The following MINDY4 variants were observed in gnomAD, a reference collection of about 807,000 sequenced individuals.
MINDY4 encodes MINDY lysine 48 deubiquitinase 4, also known as probable ubiquitin carboxyl-terminal hydrolase MINDY-4.
Under a neutral mutation model 87.0 loss-of-function variants are expected in MINDY4, and 68 were observed. The ratio of observed to expected loss-of-function variants is 0.78; its 90% CI spans 0.64 to 0.96. MINDY4 has a LOEUF of 0.96. Ranked by LOEUF, MINDY4 falls within the 40% of genes least tolerant of loss-of-function variation. The probability of loss-of-function intolerance (pLI) is 0.00; values close to 1 mark genes in which losing one functional copy is unlikely to be tolerated. For missense variants in MINDY4, 919 were observed against 928.2 expected (o/e 0.99, Z 0.13); for synonymous variants, 379 against 363.2 (o/e 1.04, Z -0.50).
Position 30,882,298 on chromosome 7 carries a change from C to G in MINDY4, c.2089C>G (p.Leu697Val), listed in dbSNP as rs1174207199. 1 of 1,613,818 alleles carries G rather than the reference C, an allele frequency of 6.2e-7. No individual in the cohort carries two copies. The highest frequency in any genetic ancestry group is 8.5e-7 in the Non-Finnish European group (1 of 1,179,874). ...GLLRDWRTERLFDLYYYDGLA... is the reference protein window; with the variant it reads ...GLLRDWRTERVFDLYYYDGLA... ...CCTGCGTGACTGGAGGACTGAGAGG[C>G]TCTTTGACTTGTACTACTACGATGG... The change falls in exon 16 of 18, where the codon CTC becomes GTC. Residue 697 changes from leucine (L) to valine (V), a missense_variant. Physicochemically the swap from Leu to Val is conservative, Grantham distance 32. Transcript: ENST00000265299.
At chr7:30,880,084 T>C (rs1198289007) in intron 15 of MINDY4, among the ~76,000 whole-genome samples, 1 of 152,214 alleles carries the variant, frequency 6.6e-6, no homozygotes, top group South Asian at 2.1e-4. Flanking sequence ...TCTAGCACTA[T>C]GTCCCCATTG....
intron 6 of MINDY4, among the ~76,000 whole-genome samples, chr7:30,835,339 T>A (rs1383697435): frequency 6.6e-6 from 1 of 152,204 alleles, no homozygotes; most frequent in Non-Finnish European, 1.5e-5. Flanking sequence ...TGAGACTTAT[T>A]CACTATCATG....
chr7:30,820,120 C>G (rs1033658549), intron 5 of MINDY4, among the ~76,000 whole-genome samples: 13 of 151,524 alleles, frequency 8.6e-5, no homozygotes, highest in African/African-American at 2.7e-4. Context: ...CCGGGATGGT[C>G]TTGATCTCCT....
chr7:30,855,360 G>A (rs1789537502), intron 12 of MINDY4, among the ~76,000 whole-genome samples: 1 of 152,236 alleles, frequency 6.6e-6, no homozygotes, highest in Admixed American at 6.5e-5. Flanking sequence ...CTGTTGATCC[G>A]GAGTGTTGTG....
chr7:30,813,352 G>C (rs1022000440), intron 5 of MINDY4, among the ~76,000 whole-genome samples: 2 of 152,210 alleles, frequency 1.3e-5, no homozygotes, highest in Non-Finnish European at 2.9e-5. Flanking sequence ...CAATCCCCAG[G>C]TCCTGAATTC....
intron 13 of MINDY4, 117 bp from the exon 14 acceptor site, chr7:30,872,126 C>G: frequency 1.0e-6 from 1 of 961,464 alleles, no homozygotes. Context: ...CAGGTTCCCA[C>G]CAAATCTGGA....
intron 13 of MINDY4, among the ~76,000 whole-genome samples, chr7:30,868,714 A>G (rs73301948): frequency 2.3e-4 from 35 of 152,254 alleles, no homozygotes; most frequent in African/African-American, 8.2e-4. Context: ...TATCTCAGGG[A>G]CCTTCTGATG....
chr7:30,890,883 A>C (rs1790775853), intron 17 of MINDY4, among the ~76,000 whole-genome samples: 1 of 152,184 alleles, frequency 6.6e-6, no homozygotes, highest in Non-Finnish European at 1.5e-5. Flanking sequence ...TTACTTTGGG[A>C]GAACCTGTTC....
At chr7:30,774,580 C>T (rs1168439864) in intron 1 of MINDY4, among the ~76,000 whole-genome samples, 1 of 152,098 alleles carries the variant, frequency 6.6e-6, no homozygotes, top group African/African-American at 2.4e-5. Flanking sequence ...TCTGCTTTCT[C>T]GAACCCATTT....
Position 30,839,181 on chromosome 7 carries a change from C to T in MINDY4, c.1240-19C>T, listed in dbSNP as rs1393732105. 4 of 1,527,638 alleles carry T rather than the reference C, an allele frequency of 2.6e-6. No individual in the cohort carries two copies. The African/African-American group carries it at 4.1e-5, about 16-fold the overall frequency. 94.6% of individuals were successfully genotyped at this position (1,527,638 alleles called of 1,614,324 possible). A position where few individuals can be genotyped will look rare whatever the true frequency, so the allele number is the denominator to read the frequency against. ...CTTGCTTTTAAAACAACCAGTAAAA[C>T]TCTCTCTTCTTTTTATAGGAAATAA... On this transcript the variant is annotated intron_variant, in intron 7 of 17. Transcript: ENST00000265299.
At chr7:30,886,312 C>T (rs1790630557) in intron 17 of MINDY4, among the ~76,000 whole-genome samples, 1 of 152,208 alleles carries the variant, frequency 6.6e-6, no homozygotes. Context: ...GACTTGGCTC[C>T]TGCTCTCAGA....
intron 10 of MINDY4, 38 bp downstream of exon 10, chr7:30,850,593 G>A (rs367712233): frequency 3.2e-5 from 50 of 1,552,260 alleles, no homozygotes; most frequent in East Asian, 1.4e-4. Flanking sequence ...GTGGCTCATC[G>A]TCTGCTGGCA....
chr7:30,776,864 GGT>G (rs1459500309), intron 1 of MINDY4, among the ~76,000 whole-genome samples: 1 of 152,174 alleles, frequency 6.6e-6, no homozygotes, highest in Non-Finnish European at 1.5e-5. Context: ...GCACATAGGA[GGT>G]GCATGACAGG....
intron 17 of MINDY4, among the ~76,000 whole-genome samples, chr7:30,888,509 G>C (rs1303202305): frequency 6.6e-6 from 1 of 152,198 alleles, no homozygotes; most frequent in Non-Finnish European, 1.5e-5. Flanking sequence ...AACTTTGATT[G>C]TGTCTCTTCT....
intron 15 of MINDY4, 142 bp from the exon 16 acceptor site, chr7:30,882,039 G>A (rs948016981): frequency 1.8e-5 from 15 of 846,626 alleles, no homozygotes; most frequent in Non-Finnish European, 2.2e-5. Flanking sequence ...CCTGAGCAGC[G>A]TGAGGGGCTC....
chr7:30,840,687 G>T, intron 8 of MINDY4, 73 bp from the exon 9 acceptor site: 1 of 1,383,982 alleles, frequency 7.2e-7, no homozygotes, highest in Non-Finnish European at 1.0e-6. Context: ...GGGTTCTGGG[G>T]TGGGTTTGGG....
At chr7:30,818,012 A>T (rs1788209886) in intron 5 of MINDY4, among the ~76,000 whole-genome samples, 2 of 152,188 alleles carry the variant, frequency 1.3e-5, no homozygotes, top group Non-Finnish European at 2.9e-5. Flanking sequence ...GATGCTGGAC[A>T]TCCTCATCTT....
At chr7:30,853,515 C>G in intron 12 of MINDY4, 56 bp downstream of exon 12, 3 of 1,421,528 alleles carry the variant, frequency 2.1e-6, no homozygotes, top group South Asian at 1.2e-5. Context: ...TCTGATTTCA[C>G]TGTGGGAACA....
chr7:30,892,170 CA>C lies in MINDY4; in HGVS notation c.*167del. 1.5e-6 allele frequency: 1 copy of C among 676,558 alleles called. No individual in the cohort carries two copies. Among genetic ancestry groups the C allele is most frequent in the Non-Finnish European group, 2.6e-6 (1 of 390,288 alleles). 41.9% of individuals were successfully genotyped at this position (676,558 alleles called of 1,614,324 possible). A position where few individuals can be genotyped will look rare whatever the true frequency, so the allele number is the denominator to read the frequency against. ...CTGCCCCTTCCATGAAGGGCCCACC[CA>C]AGACTGTGCTGGGGACCCAGTGTGT... On this transcript the variant is annotated 3_prime_UTR_variant, in exon 18 of 18. Transcript: ENST00000265299.
Sources: allele counts gnomAD v4.1 joint callset (sites outside exome capture counted in the v4.1 genomes callset), GRCh38; gene constraint gnomAD v4.1.1; transcripts MANE v1.5; gene names NCBI Gene and HGNC (gene_info 2026-07-23, HGNC 2026-07-21).